The following RHPN2 variants were observed in gnomAD, a reference collection of about 807,000 sequenced individuals.
RHPN2 encodes rhophilin-2.
A neutral mutation model predicts 79.0 loss-of-function variants in RHPN2; 40 were observed. The observed-to-expected ratio is 0.51, with a 90% confidence interval of 0.39 to 0.66. RHPN2 has a LOEUF of 0.66. RHPN2 is among the 30% of genes least tolerant of loss of function. RHPN2 has a pLI of 0.00. For synonymous variants in RHPN2, 285 were observed against 363.5 expected (o/e 0.78, Z 2.46); for missense variants, 686 against 883.5 (o/e 0.78, Z 2.83).
chr19:33,003,240 C>T (rs1450968370), intron 7 of RHPN2, among the ~76,000 whole-genome samples: 2 of 151,178 alleles, frequency 1.3e-5, no homozygotes, highest in Non-Finnish European at 2.9e-5. Flanking sequence ...CGACTATAGT[C>T]TCAGCTCCTC....
intron 1 of RHPN2, among the ~76,000 whole-genome samples, chr19:33,061,229 T>C (rs928817833): frequency 2.8e-5 from 4 of 140,514 alleles, no homozygotes; most frequent in East Asian, 2.0e-4. Context: ...GCCTTTCTTT[T>C]TTTTTTTTTT....
At chr19:33,023,452 A>G (rs1280381361) in intron 3 of RHPN2, among the ~76,000 whole-genome samples, 6 of 147,270 alleles carry the variant, frequency 4.1e-5, no homozygotes, top group African/African-American at 1.6e-4. Context: ...AAAAAAAAAA[A>G]GAAAAAAAAA....
chr19:33,011,892 T>A (rs771989843), intron 5 of RHPN2, 89 bp from the exon 6 acceptor site: 1 of 1,549,442 alleles, frequency 6.5e-7, no homozygotes, highest in Non-Finnish European at 8.9e-7. Flanking sequence ...TACCAGCAGG[T>A]GCCTGTAACT....
In RHPN2 at chr19:33,011,691, A is replaced by C. The variant is rs974975832; in HGVS notation, c.581T>G (p.Leu194Arg). Reference protein sequence around the residue: ...RFFPPTRQMGLLFTWYDSLTG... With the variant: ...RFFPPTRQMGRLFTWYDSLTG... ...CTCAAGCACCTACCAGGTGAACAGG[A>C]GTCCCATCTGCCGTGTGGGCGGGAA... The change falls in exon 6 of 15, where the codon CTC becomes CGC. Residue 194 changes from leucine (L) to arginine (R), a missense_variant. Leu to Arg is a moderately radical substitution (Grantham distance 102). Transcript: ENST00000254260. The C allele has an allele frequency of 1.2e-6, 2 of 1,613,852 alleles. No homozygotes were observed. The highest frequency in any genetic ancestry group is 1.1e-5 in the South Asian group (1 of 91,080).
intron 3 of RHPN2, among the ~76,000 whole-genome samples, chr19:33,025,626 G>C (rs1170905851): frequency 6.6e-6 from 1 of 152,276 alleles, no homozygotes; most frequent in Middle Eastern, 3.2e-3. Flanking sequence ...TGTGTGCATA[G>C]TGGCCTCCCC....
chr19:33,006,008 T>C (rs1971788155), intron 7 of RHPN2, among the ~76,000 whole-genome samples: 1 of 152,042 alleles, frequency 6.6e-6, no homozygotes, highest in Non-Finnish European at 1.5e-5. Context: ...GCCTCCCAAG[T>C]AGCTGAGACT....
intron 7 of RHPN2, among the ~76,000 whole-genome samples, 159 bp downstream of exon 7, chr19:33,007,855 G>A (rs747290865): frequency 2.6e-5 from 4 of 151,676 alleles, no homozygotes; most frequent in Admixed American, 6.6e-5. Context: ...GAGCCACCGC[G>A]CCCGGCCGGA....
chr19:33,051,990 CAAA>C (rs1231161092), intron 1 of RHPN2, among the ~76,000 whole-genome samples: 15 of 81,024 alleles, frequency 1.9e-4, no homozygotes, highest in Non-Finnish European at 1.9e-4. Flanking sequence ...GACCCTGTCT[CAAA>C]AAAAAAAAAA....
At chr19:33,019,683 G>A (rs1282506934) in intron 4 of RHPN2, among the ~76,000 whole-genome samples, 1 of 152,060 alleles carries the variant, frequency 6.6e-6, no homozygotes, top group Non-Finnish European at 1.5e-5. Flanking sequence ...AGGATCACCT[G>A]AGCCCAGGAG....
At chr19:33,044,893 T>G (rs749497547) in intron 1 of RHPN2, among the ~76,000 whole-genome samples, 1 of 152,020 alleles carries the variant, frequency 6.6e-6, no homozygotes, top group Non-Finnish European at 1.5e-5. Context: ...AGACGCTGTC[T>G]CAAAAATAAA....
chr19:32,995,816 G>A (rs1392252158), intron 11 of RHPN2, among the ~76,000 whole-genome samples: 1 of 152,092 alleles, frequency 6.6e-6, no homozygotes, highest in African/African-American at 2.4e-5. Context: ...CCGAGATCAC[G>A]CCACTGCACT....
chr19:32,985,463 C>T (rs117079995), intron 14 of RHPN2, among the ~76,000 whole-genome samples: 3,602 of 152,142 alleles, frequency 0.024, 78 homozygotes, highest in Non-Finnish European at 0.034. Flanking sequence ...CGGTGAAGCC[C>T]CGTCTCTACA....
intron 2 of RHPN2, among the ~76,000 whole-genome samples, chr19:33,033,635 G>A (rs1159515865): frequency 6.6e-6 from 1 of 151,790 alleles, no homozygotes; most frequent in Admixed American, 6.6e-5. Context: ...TTGGGAGGCC[G>A]AGGTGGGCAA....
At position 33,004,620 on chromosome 19, in the gene RHPN2, ATAAAC is replaced by A. The variant is rs912929460; in HGVS notation, c.761-1625_761-1621del. ...ACACTATTTATTTATTTATTTATAAATAAACACCCAGGCTGGAGTGCAGTGGTGTG... is the reference window on the plus strand; with the variant it reads ...ACACTATTTATTTATTTATTTATAAAACCCAGGCTGGAGTGCAGTGGTGTG... On this transcript the variant is annotated intron_variant, in intron 7 of 14. Transcript: ENST00000254260. 1.8e-3 allele frequency among the ~76,000 whole-genome samples: 276 copies of A among 151,690 alleles called. 1 individual carries two copies. The highest frequency in any genetic ancestry group is 6.3e-3 in the African/African-American group (259 of 41,384).
Position 33,045,809 on chromosome 19 carries a change from A to G in RHPN2, c.70-1445T>C, listed in dbSNP as rs538218979. On this transcript the variant is annotated intron_variant, in intron 1 of 14. Coordinates refer to ENST00000254260, the MANE Select transcript of RHPN2 (RefSeq NM_033103.5). ...GATTTTAGAACATTTTCATCAGCCT[A>G]AAAAAAAAGCAAGTAGCCATTAGCA... Among the ~76,000 whole-genome samples the G allele has an allele frequency of 2.6e-5, 4 of 151,350 alleles. No homozygotes were observed. In the East Asian group the frequency reaches 7.7e-4, roughly 29 times the overall value.
chr19:33,016,755 G>A (rs1017464140), intron 4 of RHPN2, among the ~76,000 whole-genome samples: 9 of 152,030 alleles, frequency 5.9e-5, no homozygotes, highest in Admixed American at 1.3e-4. Context: ...AACATCACAC[G>A]GACACACAAG....
At chr19:33,003,080 C>T (rs1971762970) in intron 7 of RHPN2, 80 bp from the exon 8 acceptor site, 13 of 1,309,372 alleles carry the variant, frequency 9.9e-6, no homozygotes, top group Admixed American at 1.9e-5. Flanking sequence ...GATAGGAGGC[C>T]GAGTGCGGTG....
chr19:32,996,086 A>C lies in RHPN2; in HGVS notation c.1360T>G (p.Tyr454Asp), dbSNP rs75351369. The change falls in exon 11 of 15, where the codon TAC (tyrosine) becomes GAC (aspartate). Residue 454 changes from tyrosine (Y) to aspartate (D), a missense_variant. Physicochemically the swap from Tyr to Asp is radical, Grantham distance 160. Transcript: ENST00000254260. ...CAAQERSRLT[Y>D]AQHQEEDDLL... The stretch of plus-strand genomic sequence containing the variant: ...TCATCCTCCTCCTGGTGCTGGGCGT[A>C]CGTGAGCCGGGAGCGTTCCTGTGCG... 3.9e-3 allele frequency: 6,292 copies of C among 1,613,980 alleles called. 193 individuals carry two copies. The African/African-American group carries it at 0.071, about 18-fold the overall frequency.
At chr19:32,983,507 T>TCC (rs1407469618) in intron 14 of RHPN2, among the ~76,000 whole-genome samples, 3 of 149,422 alleles carry the variant, frequency 2.0e-5, no homozygotes, top group Non-Finnish European at 4.4e-5. Flanking sequence ...AGAACGAGAC[T>TCC]GTCTCAAAAA....
Sources: gnomAD v4.1 joint callset for allele counts (sites outside exome capture counted in the v4.1 genomes callset) on GRCh38, gnomAD v4.1.1 for gene constraint, MANE v1.5 for transcripts, NCBI Gene and HGNC (gene_info 2026-07-23, HGNC 2026-07-21) for gene names.